Variants in USP48 observed in about 807,000 individuals in gnomAD.
USP48 encodes the protein ubiquitin specific peptidase 48.
A neutral mutation model predicts 150.7 loss-of-function variants in USP48; 43 were observed. The observed-to-expected ratio is 0.29, with a 90% CI of 0.22 to 0.37. USP48 has a LOEUF of 0.37. Ranked by LOEUF, USP48 falls within the 10% of genes least tolerant of loss-of-function variation. The pLI, the probability that USP48 is intolerant of heterozygous loss-of-function variation, is 1.00. For missense variants in USP48, 813 were observed against 1,249.6 expected (o/e 0.65, Z 5.27); for synonymous variants, 396 against 425.9 (o/e 0.93, Z 0.86).
chr1:21,680,424 T>C (rs947186792), intron 26 of USP48, among the ~76,000 whole-genome samples: 6 of 152,250 alleles, frequency 3.9e-5, no homozygotes, highest in African/African-American at 1.4e-4. Context: ...GACAAATTCT[T>C]GTGCCACTAA....
intron 22 of USP48, among the ~76,000 whole-genome samples, chr1:21,700,165 C>A (rs1557443423): frequency 6.6e-6 from 1 of 151,796 alleles, no homozygotes; most frequent in Non-Finnish European, 1.5e-5. Context: ...CCCCTTTAAA[C>A]TGAAAACCTG....
chr1:21,714,311 G>A (rs776530924), intron 15 of USP48, among the ~76,000 whole-genome samples: 1 of 152,260 alleles, frequency 6.6e-6, no homozygotes, highest in Admixed American at 6.5e-5. Context: ...GGTATCGCAC[G>A]GTCGTCCAGG....
At chr1:21,760,453 C>T (rs984960391) in intron 1 of USP48, among the ~76,000 whole-genome samples, 1 of 152,208 alleles carries the variant, frequency 6.6e-6, no homozygotes, top group African/African-American at 2.4e-5. Flanking sequence ...CAGTGGCTCA[C>T]GCCTGTAATC....
At chr1:21,719,794 G>A (rs1322108966) in intron 14 of USP48, among the ~76,000 whole-genome samples, 1 of 152,154 alleles carries the variant, frequency 6.6e-6, no homozygotes, top group Non-Finnish European at 1.5e-5. Flanking sequence ...TTGAACCCAG[G>A]AGGCAGAGGT....
At chr1:21,764,711 C>CAA (rs35810751) in intron 1 of USP48, among the ~76,000 whole-genome samples, 3,131 of 108,162 alleles carry the variant, frequency 0.029, 94 homozygotes, top group African/African-American at 0.064. Flanking sequence ...CACTCCGTCT[C>CAA]AAAAAAAAAA....
At chr1:21,715,973 C>T (rs988606593) in intron 14 of USP48, among the ~76,000 whole-genome samples, 1 of 152,204 alleles carries the variant, frequency 6.6e-6, no homozygotes, top group African/African-American at 2.4e-5. Flanking sequence ...CAATAAACAT[C>T]CATTGGCACA....
intron 1 of USP48, among the ~76,000 whole-genome samples, chr1:21,758,474 A>G (rs2152609092): frequency 6.6e-6 from 1 of 152,174 alleles, no homozygotes; most frequent in Middle Eastern, 3.4e-3. Flanking sequence ...AAGAAAATAC[A>G]CCTTTTCGGC....
rs1257062790 is a variant in USP48, at chr1:21,783,013, C to T, written c.-56G>A. On this transcript the variant is annotated 5_prime_UTR_variant, in exon 1 of 27. Coordinates refer to ENST00000308271, the MANE Select transcript of USP48 (RefSeq NM_032236.8). ...AGACCGCCGCAGCCGCCGCCGCGGT[C>T]TGCACCGCCGCCCCAATGGGCTTCG... The T allele has an allele frequency of 8.2e-6, 12 of 1,455,154 alleles. No homozygotes were observed. The highest frequency in any genetic ancestry group is 9.9e-6 in the Non-Finnish European group (11 of 1,114,406). 90.1% of individuals were successfully genotyped at this position (1,455,154 alleles called of 1,614,324 possible). A position where few individuals can be genotyped will look rare whatever the true frequency, so the allele number is the denominator to read the frequency against.
Position 21,690,689 on chromosome 1 carries a change from GATTTTTT to G in USP48, c.2884-597_2884-591del, listed in dbSNP as rs138742091. Among the ~76,000 whole-genome samples the G allele has an allele frequency of 6.4e-3, 975 of 151,838 alleles. 10 individuals carry two copies. Among genetic ancestry groups the G allele is most frequent in the African/African-American group, 0.022 (911 of 41,372 alleles). Reference sequence around the variant, plus strand: ...CAGATGTGTGCTACCATGTCTGGCGGATTTTTTATTTTTTATTTTTGTAGACATGAGG... The same window carrying G: ...CAGATGTGTGCTACCATGTCTGGCGGATTTTTTATTTTTGTAGACATGAGG... On this transcript the variant is annotated intron_variant, in intron 23 of 26. Coordinates refer to ENST00000308271, the MANE Select transcript of USP48 (RefSeq NM_032236.8).
chr1:21,708,537 G>A (rs2097680062), intron 15 of USP48, among the ~76,000 whole-genome samples: 1 of 151,632 alleles, frequency 6.6e-6, no homozygotes, highest in Non-Finnish European at 1.5e-5. Flanking sequence ...AACAAACCCA[G>A]GTCTATAGCT....
At chr1:21,731,421 G>A (rs1463747897) in intron 9 of USP48, among the ~76,000 whole-genome samples, 2 of 151,644 alleles carry the variant, frequency 1.3e-5, no homozygotes, top group African/African-American at 4.8e-5. Flanking sequence ...GTGTCACCAC[G>A]CCAGGGTAAT....
intron 25 of USP48, among the ~76,000 whole-genome samples, chr1:21,681,611 C>G (rs1202060317): frequency 1.3e-5 from 2 of 152,182 alleles, no homozygotes; most frequent in African/African-American, 4.8e-5. Flanking sequence ...GTGAAGGATA[C>G]AAACAGCTGT....
chr1:21,689,366 C>T (rs1250972105), intron 24 of USP48, among the ~76,000 whole-genome samples: 1 of 150,710 alleles, frequency 6.6e-6, no homozygotes, highest in Non-Finnish European at 1.5e-5. Flanking sequence ...GAGGGGACAC[C>T]ACAGAAACTT....
intron 14 of USP48, among the ~76,000 whole-genome samples, chr1:21,717,475 C>A (rs1022266022): frequency 2.4e-4 from 35 of 142,892 alleles, no homozygotes; most frequent in African/African-American, 5.6e-4. Flanking sequence ...AACAAAAAAA[C>A]CCCACAAAAA....
At chr1:21,738,480 C>G (rs1483007073) in intron 8 of USP48, among the ~76,000 whole-genome samples, 1 of 151,804 alleles carries the variant, frequency 6.6e-6, no homozygotes, top group African/African-American at 2.4e-5. Context: ...CCTCAACCTC[C>G]CAAGTAGCTG....
In USP48 at chr1:21,706,141, C is replaced by T; in HGVS notation, c.2258G>A (p.Trp753Ter). The T allele has an allele frequency of 6.2e-7, 1 of 1,613,690 alleles. No homozygotes were observed. ...TTGTTTCTACCTAACAAATTTCCGC[C>T]ACTCTTCTACAAAGAACTGAGACAC... ...YIVSQFFVEE[W>*]RKFVRKPTRC... Residue 753 changes from tryptophan to a stop codon, truncating the protein, a stop_gained, in exon 18 of 27, where the codon TGG (tryptophan) becomes TAG (stop). Transcript: ENST00000308271. LOFTEE classifies it high-confidence loss of function.
At chr1:21,774,731 C>T in intron 1 of USP48, among the ~76,000 whole-genome samples, 1 of 151,792 alleles carries the variant, frequency 6.6e-6, no homozygotes, top group East Asian at 1.9e-4. Context: ...GTGGCTCACA[C>T]CTGTAATCTC....
chr1:21,722,213 G>C (rs1033470653), intron 12 of USP48, among the ~76,000 whole-genome samples: 2 of 151,860 alleles, frequency 1.3e-5, no homozygotes, highest in African/African-American at 2.4e-5. Context: ...CATCTAAAAT[G>C]TGAACGCTCT....
chr1:21,721,764 A>T lies in USP48; in HGVS notation c.1649T>A (p.Val550Glu). 6.4e-7 allele frequency: 1 copy of T among 1,573,816 alleles called. No individual in the cohort carries two copies. The highest frequency in any genetic ancestry group is 2.3e-5 in the East Asian group (1 of 44,220). The change falls in exon 13 of 27, where the codon GTG becomes GAG. Residue 550 changes from valine to glutamate, a missense_variant and splice_region_variant. By Grantham distance (121) the Val-to-Glu change is moderately radical. Coordinates refer to ENST00000308271, the MANE Select transcript of USP48 (RefSeq NM_032236.8). ...TACACATTCCTTACACAGGGCTTTC[A>T]CTACAGGCAAGAAAGAATGAAAGGA... is the stretch of plus-strand genomic sequence containing the variant. ...SRYGGGPRLT[V>E]KALCKECVVE... is the part of the protein sequence containing the mutation.
Sources: allele counts gnomAD v4.1 joint callset (sites outside exome capture counted in the v4.1 genomes callset), GRCh38; gene constraint gnomAD v4.1.1; transcripts MANE v1.5; gene names NCBI Gene and HGNC (gene_info 2026-07-23, HGNC 2026-07-21).